The following HTR7 variants were observed in gnomAD, a reference collection of about 807,000 sequenced individuals.
The protein encoded by HTR7 is 5-HT-7.
A neutral mutation model predicts 34.0 loss-of-function variants in HTR7; 16 were observed. The ratio of observed to expected loss-of-function variants is 0.47; its 90% CI spans 0.32 to 0.71. The LOEUF is 0.71. Ranked by LOEUF, HTR7 falls within the 30% of genes least tolerant of loss-of-function variation. The pLI is 0.04. For missense variants in HTR7, 504 were observed against 625.5 expected, an observed-to-expected ratio of 0.81 and a Z score of 2.07; for synonymous variants, 265 against 260.2, an observed-to-expected ratio of 1.02 and a Z score of -0.18.
intron 1 of HTR7, among the ~76,000 whole-genome samples, chr10:90,758,344 C>CAAA (rs58130009): frequency 1.9e-5 from 1 of 51,916 alleles, no homozygotes; most frequent in Non-Finnish European, 3.3e-5. Flanking sequence ...GGCTCTGTCT[C>CAAA]AAAAAAAAAA....
At position 90,792,455 on chromosome 10, in the gene HTR7, ATC is replaced by A. The variant is rs112047003; in HGVS notation, c.540-42863_540-42862del. Among the ~76,000 whole-genome samples the A allele has an allele frequency of 3.8e-3, 571 of 152,126 alleles. 2 individuals carry two copies. The highest frequency in any genetic ancestry group is 0.01 in the Middle Eastern group (3 of 294). Reference sequence around the variant, plus strand: ...TTGATTTATAGCATATTATAAACATATCTTTTTCATAGGATTTTTCAATGGTT... The same window carrying A: ...TTGATTTATAGCATATTATAAACATATTTTTCATAGGATTTTTCAATGGTT... On this transcript the variant is annotated intron_variant, in intron 1 of 3. Coordinates refer to ENST00000336152, the MANE Select transcript of HTR7 (RefSeq NM_019859.4).
intron 1 of HTR7, among the ~76,000 whole-genome samples, chr10:90,780,647 A>G (rs2119843699): frequency 6.6e-6 from 1 of 152,346 alleles, no homozygotes; most frequent in East Asian, 1.9e-4. Flanking sequence ...CAACCCAGAG[A>G]GTGCCAAGAA....
intron 1 of HTR7, among the ~76,000 whole-genome samples, chr10:90,810,116 T>A (rs1845781100): frequency 6.6e-6 from 1 of 152,174 alleles, no homozygotes; most frequent in African/African-American, 2.4e-5. Flanking sequence ...CCAACTCTGG[T>A]GCCACCTTAG....
At chr10:90,748,426 T>C (rs1010256709) in intron 2 of HTR7, among the ~76,000 whole-genome samples, 12 of 152,196 alleles carry the variant, frequency 7.9e-5, no homozygotes, top group Non-Finnish European at 1.8e-4. Context: ...TTGTGCCTCC[T>C]ACCTCAAAAG....
chr10:90,817,532 C>A (rs1845916146), intron 1 of HTR7, among the ~76,000 whole-genome samples: 1 of 152,184 alleles, frequency 6.6e-6, no homozygotes, highest in Non-Finnish European at 1.5e-5. Context: ...TGGGCACTAA[C>A]TAAACTCTCA....
intron 1 of HTR7, among the ~76,000 whole-genome samples, chr10:90,772,721 G>C (rs919200021): frequency 4.6e-5 from 7 of 152,092 alleles, no homozygotes; most frequent in African/African-American, 1.7e-4. Context: ...TTTATGCCCA[G>C]AATAAGTATT....
intron 1 of HTR7, among the ~76,000 whole-genome samples, chr10:90,794,630 AACTGGG>A (rs1227299629): frequency 1.4e-4 from 22 of 151,894 alleles, no homozygotes; most frequent in Admixed American, 2.6e-4. Context: ...CCTCCCAAGT[AACTGGG>A]ACTAAAGGTG....
chr10:90,769,483 A>G (rs2119748358), intron 1 of HTR7, among the ~76,000 whole-genome samples: 1 of 152,340 alleles, frequency 6.6e-6, no homozygotes, highest in East Asian at 1.9e-4. Flanking sequence ...CATATTTTCA[A>G]TGTGTTTTCT....
intron 1 of HTR7, among the ~76,000 whole-genome samples, chr10:90,811,886 C>A (rs1417310949): frequency 1.3e-5 from 2 of 150,638 alleles, no homozygotes; most frequent in East Asian, 3.9e-4. Flanking sequence ...CTTAGTTTAG[C>A]CTTCCCACCT....
intron 1 of HTR7, among the ~76,000 whole-genome samples, chr10:90,795,796 T>C (rs1189227718): frequency 6.6e-6 from 1 of 152,160 alleles, no homozygotes; most frequent in African/African-American, 2.4e-5. Context: ...AGATTTACAT[T>C]GGTACATTGG....
intron 1 of HTR7, among the ~76,000 whole-genome samples, chr10:90,834,714 A>C (rs1286573682): frequency 6.6e-6 from 1 of 152,144 alleles, no homozygotes; most frequent in Non-Finnish European, 1.5e-5. Context: ...GGTAGCTAGC[A>C]GTCACAGGGT....
chr10:90,765,089 A>T (rs1358331794), intron 1 of HTR7, among the ~76,000 whole-genome samples: 2 of 152,164 alleles, frequency 1.3e-5, no homozygotes, highest in Non-Finnish European at 2.9e-5. Flanking sequence ...TTTTTGGAAG[A>T]GTTTGAGAAT....
intron 1 of HTR7, among the ~76,000 whole-genome samples, chr10:90,768,115 T>C (rs943351651): frequency 2.6e-5 from 4 of 152,186 alleles, no homozygotes; most frequent in Admixed American, 2.0e-4. Context: ...AGTGAGTCTG[T>C]CCCAGAAATC....
chr10:90,746,681 A>C (rs547780788), intron 2 of HTR7, among the ~76,000 whole-genome samples: 1 of 152,204 alleles, frequency 6.6e-6, no homozygotes, highest in Non-Finnish European at 1.5e-5. Flanking sequence ...TATCAAGACT[A>C]GTTTGCTCAT....
At position 90,787,961 on chromosome 10, in the gene HTR7, G is replaced by A. The variant is rs530350491; in HGVS notation, c.540-38367C>T. On this transcript the variant is annotated intron_variant, in intron 1 of 3. Transcript: ENST00000336152. ...CAGGATCTGAGGCCTAGTTGTCTTCGTAACCCACTACTCACAACCCCTGTA... is the reference window on the plus strand; with the variant it reads ...CAGGATCTGAGGCCTAGTTGTCTTCATAACCCACTACTCACAACCCCTGTA... 2.4e-3 allele frequency among the ~76,000 whole-genome samples: 366 copies of A among 151,976 alleles called. 1 individual carries two copies. The highest frequency in any genetic ancestry group is 0.01 in the Middle Eastern group (3 of 294).
chr10:90,809,451 T>A (rs1427111025), intron 1 of HTR7, among the ~76,000 whole-genome samples: 1 of 152,184 alleles, frequency 6.6e-6, no homozygotes, highest in African/African-American at 2.4e-5. Flanking sequence ...ATTCTCAAAA[T>A]ACATTTTATT....
At chr10:90,784,162 G>A (rs1329014486) in intron 1 of HTR7, among the ~76,000 whole-genome samples, 2 of 152,178 alleles carry the variant, frequency 1.3e-5, no homozygotes, top group Non-Finnish European at 1.5e-5. Flanking sequence ...CCAGCCAGCT[G>A]AGGAGATTTA....
At chr10:90,850,374 C>T (rs967904159) in intron 1 of HTR7, among the ~76,000 whole-genome samples, 10 of 152,242 alleles carry the variant, frequency 6.6e-5, no homozygotes, top group African/African-American at 2.4e-4. Flanking sequence ...ATGTTCAGCT[C>T]AGTCCCTAAT....
rs1178842244 is a variant in HTR7, at chr10:90,741,746, A to T, written c.*736T>A. ...TACCACTTGAGCTTCACTGCGATAA[A>T]AATCCTCACAGAAGGCATCCCACTC... On this transcript the variant is annotated 3_prime_UTR_variant, in exon 4 of 4. Transcript: ENST00000336152. 6.6e-6 allele frequency: 1 copy of T among 152,666 alleles called. No individual in the cohort carries two copies. Among genetic ancestry groups the T allele is most frequent in the Non-Finnish European group, 1.5e-5 (1 of 68,064 alleles). The allele number at this position is 152,666 out of a possible 1,614,324, so 9.5% of individuals were successfully genotyped here. A position where few individuals can be genotyped will look rare whatever the true frequency, so the allele number is the denominator to read the frequency against.
Sources: allele counts gnomAD v4.1 joint callset (sites outside exome capture counted in the v4.1 genomes callset), GRCh38; gene constraint gnomAD v4.1.1; transcripts MANE v1.5; gene names NCBI Gene and HGNC (gene_info 2026-07-23, HGNC 2026-07-21).